ANK2: variants seen among roughly 807,000 people sequenced by gnomAD.
ANK2 encodes the protein ankyrin-2.
ANK2 carries 83 observed loss-of-function variants against 360.5 expected under a neutral mutation model. That is an observed-to-expected ratio of 0.23 (90% CI 0.19 to 0.28). The LOEUF is 0.28. ANK2 is among the 10% of genes least tolerant of loss of function. The pLI is 1.00. For synonymous variants in ANK2, 1,740 were observed against 1,759.5 expected, an observed-to-expected ratio of 0.99 and a Z score of 0.28; for missense variants, 4,201 against 4,795.7, an observed-to-expected ratio of 0.88 and a Z score of 3.66.
the ANK2 span, among the ~76,000 whole-genome samples, chr4:112,715,698 T>A: frequency 6.6e-6 from 1 of 152,046 alleles, no homozygotes; most frequent in African/African-American, 2.4e-5. Flanking sequence ...GTTTGGAGAG[T>A]GTTACACAGT....
At chr4:112,995,773 G>A (rs528600084) in intron 2 of ANK2, among the ~76,000 whole-genome samples, 3 of 152,274 alleles carry the variant, frequency 2.0e-5, no homozygotes, top group East Asian at 3.9e-4. Flanking sequence ...TGTGTATGGT[G>A]ATAGGTAGGG....
At chr4:112,996,792 T>C (rs2048676292) in intron 2 of ANK2, among the ~76,000 whole-genome samples, 2 of 152,194 alleles carry the variant, frequency 1.3e-5, no homozygotes, top group African/African-American at 4.8e-5. Flanking sequence ...TTATTGACTA[T>C]AGTTACCCTG....
chr4:113,024,673 TG>T (rs778281669), intron 2 of ANK2, among the ~76,000 whole-genome samples: 40 of 152,176 alleles, frequency 2.6e-4, no homozygotes, highest in Non-Finnish European at 4.0e-4. Context: ...AAGACTCCAA[TG>T]GCATTATGCA....
chr4:113,316,966 A>C (rs2083279316), intron 24 of ANK2, among the ~76,000 whole-genome samples: 1 of 152,160 alleles, frequency 6.6e-6, no homozygotes, highest in Non-Finnish European at 1.5e-5. Flanking sequence ...TGGAGCTTAG[A>C]TACAGTTTCT....
chr4:112,960,685 T>G (rs1053729029), intron 2 of ANK2, among the ~76,000 whole-genome samples: 3 of 152,228 alleles, frequency 2.0e-5, no homozygotes, highest in Non-Finnish European at 4.4e-5. Flanking sequence ...TTTAAAATGA[T>G]AAATTAGTGA....
intron 2 of ANK2, among the ~76,000 whole-genome samples, chr4:112,924,016 G>C (rs934713525): frequency 5.9e-5 from 9 of 152,152 alleles, no homozygotes; most frequent in Non-Finnish European, 1.3e-4. Flanking sequence ...TAATTAAAAA[G>C]GTGAAGATAT....
chr4:112,707,252 A>G, the ANK2 span, among the ~76,000 whole-genome samples: 54 of 152,248 alleles, frequency 3.5e-4, no homozygotes, highest in Non-Finnish European at 6.9e-4. Flanking sequence ...AGGATTTATG[A>G]AAACGTGACA....
chr4:113,095,541 T>G (rs2090629325), intron 1 of ANK2, among the ~76,000 whole-genome samples: 1 of 152,188 alleles, frequency 6.6e-6, no homozygotes, highest in Non-Finnish European at 1.5e-5. Flanking sequence ...TGTTCTGGCA[T>G]GTCCTATCTC....
At chr4:112,864,815 G>A (rs969072739) in intron 1 of ANK2, among the ~76,000 whole-genome samples, 1 of 150,470 alleles carries the variant, frequency 6.6e-6, no homozygotes, top group Non-Finnish European at 1.5e-5. Context: ...GGCGGATCAC[G>A]AGGTCAGGAG....
chr4:113,043,042 T>C (rs2063349544), intron 2 of ANK2, among the ~76,000 whole-genome samples: 1 of 152,122 alleles, frequency 6.6e-6, no homozygotes, highest in Non-Finnish European at 1.5e-5. Flanking sequence ...GTAACTAGCA[T>C]GGGGTCCAGC....
At position 113,317,035 on chromosome 4, in the gene ANK2, A is replaced by G. The variant is rs559331132; in HGVS notation, c.2694-672A>G. On this transcript the variant is annotated intron_variant, in intron 24 of 45. Transcript: ENST00000357077. Reference sequence around the variant, plus strand: ...CACTCTGGTGCTTCAGTCACCACACACAGGACATGCAAAGGGGACAGTGCT... The same window carrying G: ...CACTCTGGTGCTTCAGTCACCACACGCAGGACATGCAAAGGGGACAGTGCT... Among the ~76,000 whole-genome samples, 3 of 152,320 alleles carry G rather than the reference A, an allele frequency of 2.0e-5. No homozygotes were observed. In the South Asian group the frequency reaches 6.2e-4, roughly 32 times the overall value.
chr4:113,082,654 CAT>C (rs774178117), intron 1 of ANK2, among the ~76,000 whole-genome samples: 91 of 152,266 alleles, frequency 6.0e-4, no homozygotes, highest in Middle Eastern at 6.8e-3. Flanking sequence ...ATATTTGAAA[CAT>C]ATGTGAGAGT....
chr4:113,099,528 A>T (rs2092418171), intron 1 of ANK2, among the ~76,000 whole-genome samples: 1 of 151,996 alleles, frequency 6.6e-6, no homozygotes, highest in African/African-American at 2.4e-5. Flanking sequence ...AGATAAGAAG[A>T]CTCAATATTA....
At chr4:112,963,780 GA>G (rs1408259714) in intron 2 of ANK2, among the ~76,000 whole-genome samples, 2 of 151,998 alleles carry the variant, frequency 1.3e-5, no homozygotes, top group African/African-American at 4.8e-5. Flanking sequence ...TTGTAAGAAT[GA>G]GACAATTATA....
chr4:113,021,171 G>A (rs1054520133), intron 2 of ANK2, among the ~76,000 whole-genome samples: 1 of 55,970 alleles, frequency 1.8e-5, no homozygotes, highest in African/African-American at 7.2e-5. Context: ...AAAGCACAGA[G>A]AGGGAAGGGC....
chr4:112,799,823 CTT>C, the ANK2 span, among the ~76,000 whole-genome samples: 58,218 of 126,104 alleles, frequency 0.46, 11,663 homozygotes, highest in East Asian at 0.8. Flanking sequence ...CAGCCCACCT[CTT>C]TTTTTTTTTT....
At chr4:113,108,497 A>G (rs2093920141) in intron 1 of ANK2, among the ~76,000 whole-genome samples, 1 of 152,204 alleles carries the variant, frequency 6.6e-6, no homozygotes, top group Non-Finnish European at 1.5e-5. Flanking sequence ...ACTCTTGCTG[A>G]GCATATAACT....
intron 13 of ANK2, among the ~76,000 whole-genome samples, chr4:113,258,659 G>C (rs537194336): frequency 1.3e-5 from 2 of 152,250 alleles, no homozygotes; most frequent in African/African-American, 2.4e-5. Context: ...TCTGGGTGTA[G>C]GTGGATTGAA....
At chr4:113,235,834 C>T (rs1050248806) in intron 5 of ANK2, among the ~76,000 whole-genome samples, 7 of 148,588 alleles carry the variant, frequency 4.7e-5, no homozygotes, top group African/African-American at 7.5e-5. Context: ...CTCTGCCTCC[C>T]GGGTTCACGC....
Sources: gnomAD v4.1 joint callset for allele counts (sites outside exome capture counted in the v4.1 genomes callset) on GRCh38, gnomAD v4.1.1 for gene constraint, MANE v1.5 for transcripts, NCBI Gene and HGNC (gene_info 2026-07-23, HGNC 2026-07-21) for gene names.